Variants in LARGE1 observed in about 807,000 individuals in gnomAD.
LARGE1 encodes the protein LARGE xylosyl- and glucuronyltransferase 1.
LARGE1 carries 43 observed loss-of-function variants against 87.6 expected under a neutral mutation model. The observed-to-expected ratio is 0.49, with a 90% confidence interval of 0.38 to 0.63. The LOEUF is 0.63. LARGE1 is among the 30% of genes least tolerant of loss of function. The pLI is 0.00. For missense variants in LARGE1, 802 were observed against 1,000.2 expected (o/e 0.80, Z 2.67); for synonymous variants, 434 against 394.6 (o/e 1.10, Z -1.18).
At chr22:33,403,208 G>A (rs1372866425) in intron 7 of LARGE1, among the ~76,000 whole-genome samples, 5 of 152,162 alleles carry the variant, frequency 3.3e-5, no homozygotes, top group East Asian at 1.9e-4. Flanking sequence ...CTTCCTGCAC[G>A]GTATGTGCCA....
chr22:33,553,257 G>A (rs2077581363), intron 6 of LARGE1, among the ~76,000 whole-genome samples: 1 of 152,160 alleles, frequency 6.6e-6, no homozygotes, highest in African/African-American at 2.4e-5. Flanking sequence ...TGTAATCCCA[G>A]CACTTTGGGA....
chr22:33,188,077 T>C (rs1923581839), intron 11 of LARGE1, among the ~76,000 whole-genome samples: 1 of 151,632 alleles, frequency 6.6e-6, no homozygotes, highest in South Asian at 2.1e-4. Flanking sequence ...CAAAACATCA[T>C]ATTGTATATA....
At chr22:33,812,383 T>C (rs1443892717) in intron 1 of LARGE1, among the ~76,000 whole-genome samples, 2 of 152,216 alleles carry the variant, frequency 1.3e-5, no homozygotes, top group African/African-American at 4.8e-5. Flanking sequence ...CTTTTTGACA[T>C]GTAATGTCTT....
intron 2 of LARGE1, among the ~76,000 whole-genome samples, chr22:33,688,850 T>C (rs982948148): frequency 6.6e-6 from 1 of 152,062 alleles, no homozygotes; most frequent in Non-Finnish European, 1.5e-5. Flanking sequence ...TTTCTTCCAC[T>C]TCTGATTGGT....
chr22:33,265,429 T>C (rs1196610189), intron 11 of LARGE1, among the ~76,000 whole-genome samples: 1 of 152,198 alleles, frequency 6.6e-6, no homozygotes, highest in African/African-American at 2.4e-5. Flanking sequence ...ACACCTATTG[T>C]GGCAATAGTC....
rs578115819 is a variant in LARGE1 at position 33,187,921 on chromosome 22, CAAAAAAAAAAAAAAA to C, written c.1731-21104_1731-21090del. Reference sequence around the variant, plus strand: ...TGGGCAACAGAGTGAGACTCCGTCTCAAAAAAAAAAAAAAAAAAAAAAAAAAAAAAAAAAAAAAAT... The same window carrying C: ...TGGGCAACAGAGTGAGACTCCGTCTCAAAAAAAAAAAAAAAAAAAAAAAAT... On this transcript the variant is annotated intron_variant, in intron 11 of 11. Transcript: ENST00000608642. Among the ~76,000 whole-genome samples, 24 of 36,898 alleles carry C rather than the reference CAAAAAAAAAAAAAAA, an allele frequency of 6.5e-4. No homozygotes were observed. In the East Asian group the frequency reaches 7.7e-3, roughly 12 times the overall value. The allele number at this position is 36,898 out of a possible 152,430, so 24.2% of individuals were successfully genotyped here. A position where few individuals can be genotyped will look rare whatever the true frequency, so the allele number is the denominator to read the frequency against.
chr22:33,171,261 T>C (rs748326434), intron 11 of LARGE1, among the ~76,000 whole-genome samples: 1 of 152,174 alleles, frequency 6.6e-6, no homozygotes, highest in African/African-American at 2.4e-5. Context: ...TTGGAACTTA[T>C]GTTTAAAAGG....
downstream of LARGE1, among the ~76,000 whole-genome samples, chr22:33,157,560 T>G (rs149029416): frequency 5.3e-4 from 81 of 152,324 alleles, 6 homozygotes; most frequent in East Asian, 0.016. Context: ...AGAGAACCAC[T>G]GCTCATTGTC....
the LARGE1 span, among the ~76,000 whole-genome samples, chr22:33,114,440 A>C: frequency 1.3e-5 from 2 of 152,238 alleles, no homozygotes; most frequent in African/African-American, 2.4e-5. Context: ...AACACTCAGA[A>C]TAGTGCCTGG....
intron 2 of LARGE1, among the ~76,000 whole-genome samples, chr22:33,719,452 G>C (rs1257159068): frequency 6.6e-6 from 1 of 151,924 alleles, no homozygotes; most frequent in Non-Finnish European, 1.5e-5. Context: ...AGTTCTACAG[G>C]CTCCATTCAT....
intron 12 of LARGE1, among the ~76,000 whole-genome samples, chr22:33,284,822 G>C (rs1285521302): frequency 6.6e-6 from 1 of 152,126 alleles, no homozygotes; most frequent in Non-Finnish European, 1.5e-5. Flanking sequence ...TGATCCGCCC[G>C]CCTTGGCCTC....
rs182771679 is a variant in LARGE1, at chr22:33,642,688, T to C, written c.408+7679A>G. 5.4e-3 allele frequency among the ~76,000 whole-genome samples: 507 copies of C among 94,178 alleles called. 1 individual carries two copies. Among genetic ancestry groups the C allele is most frequent in the Admixed American group, 0.012 (83 of 7,140 alleles). 61.8% of individuals were successfully genotyped at this position (94,178 alleles called of 152,430 possible). On this transcript the variant is annotated intron_variant, in intron 3 of 14. Coordinates refer to ENST00000397394, the MANE Select transcript of LARGE1 (RefSeq NM_133642.5). Reference sequence around the variant, plus strand: ...AGCTCAAAATAAAGAAATGGAGGAATATTTACCAAGCAAATGGAAAGCAAA... The same window carrying C: ...AGCTCAAAATAAAGAAATGGAGGAACATTTACCAAGCAAATGGAAAGCAAA...
intron 11 of LARGE1, among the ~76,000 whole-genome samples, chr22:33,232,459 A>G (rs1169852831): frequency 6.6e-6 from 1 of 152,222 alleles, no homozygotes. Context: ...GAGTTCTGTC[A>G]TGCTCATCCG....
At chr22:33,574,288 C>T (rs1219246329) in intron 5 of LARGE1, among the ~76,000 whole-genome samples, 1 of 152,082 alleles carries the variant, frequency 6.6e-6, no homozygotes, top group Non-Finnish European at 1.5e-5. Context: ...TAAAATGGTG[C>T]CCTATTGCAT....
intron 1 of LARGE1, among the ~76,000 whole-genome samples, chr22:33,913,669 G>C (rs888250412): frequency 6.6e-6 from 1 of 151,930 alleles, no homozygotes; most frequent in Admixed American, 6.6e-5. Flanking sequence ...TCAGCCTCCC[G>C]AGTAGCTGGG....
the LARGE1 span, among the ~76,000 whole-genome samples, chr22:33,094,423 T>C: frequency 6.6e-6 from 1 of 152,050 alleles, no homozygotes; most frequent in Admixed American, 6.6e-5. Flanking sequence ...TCCTACACGA[T>C]CCACTCTCGT....
intron 4 of LARGE1, among the ~76,000 whole-genome samples, chr22:33,608,896 T>C (rs996201978): frequency 5.9e-5 from 9 of 152,188 alleles, no homozygotes; most frequent in African/African-American, 2.2e-4. Context: ...TACTGGATAA[T>C]TGTGAGGATA....
At chr22:33,121,430 A>G in the LARGE1 span, among the ~76,000 whole-genome samples, 1 of 152,214 alleles carries the variant, frequency 6.6e-6, no homozygotes, top group South Asian at 2.1e-4. Context: ...GTCCCAATTC[A>G]AAGGCTTGTG....
chr22:33,813,612 G>A (rs17309), intron 1 of LARGE1, among the ~76,000 whole-genome samples: 76,206 of 151,888 alleles, frequency 0.5, 19,308 homozygotes, highest in South Asian at 0.65. Context: ...CTTCTGTTCG[G>A]CCTCGGCTGT....
Sources: gnomAD v4.1 joint callset for allele counts (sites outside exome capture counted in the v4.1 genomes callset) on GRCh38, gnomAD v4.1.1 for gene constraint, MANE v1.5 for transcripts, NCBI Gene and HGNC (gene_info 2026-07-23, HGNC 2026-07-21) for gene names.